IGSF10: variants seen among roughly 807,000 people sequenced by gnomAD.
IGSF10 encodes calvaria mechanical force protein 608.
In IGSF10, 126 loss-of-function variants were observed where a neutral mutation model predicts 128.2. The ratio of observed to expected loss-of-function variants is 0.98; its 90% CI spans 0.85 to 1.14. The LOEUF is 1.14. IGSF10 is among the 50% of genes most tolerant of loss of function. IGSF10 has a pLI of 0.00. For missense variants in IGSF10, 3,295 were observed against 3,149.8 expected (o/e 1.05, Z -1.10); for synonymous variants, 1,185 against 1,146.2 (o/e 1.03, Z -0.68).
chr3:151,563,378 T>A, the IGSF10 span, among the ~76,000 whole-genome samples: 2 of 152,184 alleles, frequency 1.3e-5, no homozygotes, highest in Non-Finnish European at 2.9e-5. Context: ...TGGGCCTTCT[T>A]AATTTGAGGT....
chr3:151,446,219 T>G lies in IGSF10; in HGVS notation c.3762A>C (p.Thr1254=). 1.2e-6 allele frequency: 2 copies of G among 1,613,512 alleles called. No homozygotes were observed. Among genetic ancestry groups the G allele is most frequent in the Non-Finnish European group, 8.5e-7 (1 of 1,179,552 alleles). The change falls in exon 6 of 8, where the codon ACA becomes ACC. Residue 1254 remains threonine, a synonymous_variant. Transcript: ENST00000282466. ...GAATTTGCATCACACTTGTTGAAAG[T>G]GTGGTGAAATGGAAAGGGGAGACTT... ...RDKVSPFHFT[T]LSTSVMQIPS...
the IGSF10 span, among the ~76,000 whole-genome samples, chr3:151,581,577 G>T: frequency 6.6e-6 from 1 of 152,166 alleles, no homozygotes; most frequent in African/African-American, 2.4e-5. Flanking sequence ...CTTCCACCAT[G>T]TAATGGGTCC....
downstream of IGSF10, chr3:151,432,798 C>T (rs1436818421): frequency 1.2e-6 from 2 of 1,612,704 alleles, no homozygotes; most frequent in South Asian, 1.1e-5. Context: ...ATCCTTCACA[C>T]TTCTGAATCT....
chr3:151,442,048 G>A (rs1010872636), intron 7 of IGSF10, among the ~76,000 whole-genome samples: 24 of 152,190 alleles, frequency 1.6e-4, no homozygotes, highest in Middle Eastern at 6.3e-3. Context: ...GCGACAGTGC[G>A]AGACTCCGTC....
At position 151,446,099 on chromosome 3, in the gene IGSF10, A is replaced by G. The variant is rs1467516705; in HGVS notation, c.3882T>C (p.Leu1294=). 1 of 1,613,998 alleles carries G rather than the reference A, an allele frequency of 6.2e-7. No homozygotes were observed. The highest frequency in any genetic ancestry group is 1.3e-5 in the African/African-American group (1 of 74,888). Residue 1294 remains leucine (L), a synonymous_variant, in exon 6 of 8, where the codon CTT becomes CTC. Transcript: ENST00000282466. The part of the protein sequence containing the change: ...PTKKELPFPP[L]NPMLPSIISK... ...TTATAATACTAGGAAGCATAGGGTTAAGGGGTGGGAAGGGAAGCTCCTTCT... is the reference window on the plus strand; with the variant it reads ...TTATAATACTAGGAAGCATAGGGTTGAGGGGTGGGAAGGGAAGCTCCTTCT...
chr3:151,619,766 T>C, the IGSF10 span, among the ~76,000 whole-genome samples: 1 of 152,190 alleles, frequency 6.6e-6, no homozygotes, highest in Non-Finnish European at 1.5e-5. Context: ...CATGAATTTA[T>C]TCATCCATTC....
At chr3:151,490,505 A>ATTTT in the IGSF10 span, among the ~76,000 whole-genome samples, 25 of 149,048 alleles carry the variant, frequency 1.7e-4, no homozygotes, top group African/African-American at 5.2e-4. Flanking sequence ...TTTGAACTGC[A>ATTTT]TTTTTTTTTT....
chr3:151,551,114 ATACTGGCAAC>A, the IGSF10 span, among the ~76,000 whole-genome samples: 2 of 152,190 alleles, frequency 1.3e-5, no homozygotes, highest in Non-Finnish European at 2.9e-5. Context: ...AACTCAGACC[ATACTGGCAAC>A]CAGAGGTGAA....
At chr3:151,549,017 CTTTT>C in the IGSF10 span, among the ~76,000 whole-genome samples, 1 of 152,012 alleles carries the variant, frequency 6.6e-6, no homozygotes, top group Non-Finnish European at 1.5e-5. Flanking sequence ...TTTTTGTTCA[CTTTT>C]CTTTCTTTTT....
chr3:151,602,408 G>A, the IGSF10 span, among the ~76,000 whole-genome samples: 1 of 151,922 alleles, frequency 6.6e-6, no homozygotes, highest in Admixed American at 6.6e-5. Context: ...CTTTTCCTTG[G>A]CAAATTATTA....
the IGSF10 span, among the ~76,000 whole-genome samples, chr3:151,553,097 C>A: frequency 6.6e-6 from 1 of 151,952 alleles, no homozygotes; most frequent in African/African-American, 2.4e-5. Flanking sequence ...TATAAATATA[C>A]CTTTCTAATA....
chr3:151,521,407 A>G, the IGSF10 span, among the ~76,000 whole-genome samples: 2 of 151,946 alleles, frequency 1.3e-5, no homozygotes, highest in Non-Finnish European at 2.9e-5. Flanking sequence ...ACAGACTATC[A>G]TGCTTCTCAT....
At position 151,438,315 on chromosome 3, in the gene IGSF10, A is replaced by G. The variant is rs1345354244; in HGVS notation, c.6246T>C (p.Asn2082=). ...WSLPDGTMIN[N]AMQADDSGHR... ...GGCCACTGTCATCGGCTTGCATTGC[A>G]TTGTTGATCATGGTTCCATCAGGCA... Residue 2082 remains asparagine, a synonymous_variant, in exon 8 of 8, where the codon AAT becomes AAC. Transcript: ENST00000282466. The G allele has an allele frequency of 6.2e-7, 1 of 1,614,092 alleles. No homozygotes were observed.
Position 151,436,526 on chromosome 3 carries a change from G to C in IGSF10, c.*163C>G, listed in dbSNP as rs1419977598. 1 of 574,636 alleles carries C rather than the reference G, an allele frequency of 1.7e-6. No homozygotes were observed. Among genetic ancestry groups the C allele is most frequent in the African/African-American group, 1.9e-5 (1 of 53,454 alleles). 35.6% of individuals were successfully genotyped at this position (574,636 alleles called of 1,614,324 possible). A position where few individuals can be genotyped will look rare whatever the true frequency, so the allele number is the denominator to read the frequency against. ...TCCATTAAATAAATCAGTATCATCA[G>C]TTCATAATGCATTTATTTACAAGTC... is the stretch of plus-strand genomic sequence containing the variant. On this transcript the variant is annotated 3_prime_UTR_variant, in exon 8 of 8. Transcript: ENST00000282466.
At chr3:151,462,132 G>T (rs750424130), upstream of IGSF10, among the ~76,000 whole-genome samples, 10 of 152,102 alleles carry the variant, frequency 6.6e-5, no homozygotes, top group East Asian at 1.9e-3. Context: ...TCTTGGTGGG[G>T]CTCCCAATAC....
At chr3:151,532,512 G>C in the IGSF10 span, among the ~76,000 whole-genome samples, 1 of 151,986 alleles carries the variant, frequency 6.6e-6, no homozygotes. Context: ...GGGATGCAAG[G>C]CTAGTTCAAC....
At chr3:151,505,037 C>G in the IGSF10 span, among the ~76,000 whole-genome samples, 2 of 152,304 alleles carry the variant, frequency 1.3e-5, no homozygotes, top group East Asian at 3.9e-4. Flanking sequence ...CAACCTCTGC[C>G]TATTACCCAG....
the IGSF10 span, among the ~76,000 whole-genome samples, chr3:151,498,721 G>C: frequency 3.0e-4 from 45 of 152,210 alleles, no homozygotes; most frequent in African/African-American, 1.0e-3. Flanking sequence ...ACTAAAAGCA[G>C]ACAGCCATTT....
At chr3:151,484,966 C>T in the IGSF10 span, among the ~76,000 whole-genome samples, 1 of 152,056 alleles carries the variant, frequency 6.6e-6, no homozygotes, top group African/African-American at 2.4e-5. Context: ...GATGAATTGA[C>T]AGAAGTAGGT....
Sources: allele counts gnomAD v4.1 joint callset (sites outside exome capture counted in the v4.1 genomes callset), GRCh38; gene constraint gnomAD v4.1.1; transcripts MANE v1.5; gene names NCBI Gene and HGNC (gene_info 2026-07-23, HGNC 2026-07-21).